PTAR1: variants seen among roughly 807,000 people sequenced by gnomAD.
The protein encoded by PTAR1 is protein prenyltransferase alpha subunit repeat containing 1.
A neutral mutation model predicts 45.5 loss-of-function variants in PTAR1; 17 were observed. The observed-to-expected ratio is 0.37, with a 90% CI of 0.26 to 0.56. PTAR1 has a LOEUF of 0.56. PTAR1 is among the 20% of genes least tolerant of loss of function. PTAR1 has a pLI of 0.77. For missense variants in PTAR1, 391 were observed against 476.3 expected, an observed-to-expected ratio of 0.82 and a Z score of 1.67; for synonymous variants, 169 against 171.3, an observed-to-expected ratio of 0.99 and a Z score of 0.11.
chr9:69,721,759 G>T (rs760645839), intron 6 of PTAR1, among the ~76,000 whole-genome samples: 1 of 152,108 alleles, frequency 6.6e-6, no homozygotes, highest in Non-Finnish European at 1.5e-5. Context: ...CTTGCTGAAG[G>T]GTCGGATGAT....
In PTAR1 at chr9:69,718,344, A is replaced by G. The variant is rs200503740; in HGVS notation, c.1207T>C (p.Ter403ArgextTer3). The G allele has an allele frequency of 4.1e-5, 66 of 1,593,812 alleles. No homozygotes were observed. In the African/African-American group the frequency reaches 7.1e-4, roughly 17 times the overall value. The change falls in exon 8 of 8, where the codon TGA (stop) becomes CGA (arginine). Residue 403 changes from the stop codon to arginine, a stop_lost. Transcript: ENST00000340434. Reference sequence around the variant, plus strand: ...CTTGTAGGACTAATTCACCTCTTTCATTGACTCAAAGTAACCAGCCATTTC... The same window carrying G: ...CTTGTAGGACTAATTCACCTCTTTCGTTGACTCAAAGTAACCAGCCATTTC... ...YRKWLVTLSQ[*>R]
At chr9:69,754,939 G>A (rs1826705574) in intron 1 of PTAR1, among the ~76,000 whole-genome samples, 1 of 151,896 alleles carries the variant, frequency 6.6e-6, no homozygotes, top group African/African-American at 2.4e-5. Flanking sequence ...AAAAAACTGA[G>A]CAATTCCCAT....
At chr9:69,740,335 GT>G (rs1825985355) in intron 3 of PTAR1, among the ~76,000 whole-genome samples, 1 of 151,874 alleles carries the variant, frequency 6.6e-6, no homozygotes, top group African/African-American at 2.4e-5. Context: ...TTAGGCCTAG[GT>G]TTTTTTCTCC....
chr9:69,735,368 A>G (rs2134119828), intron 3 of PTAR1, among the ~76,000 whole-genome samples: 1 of 152,314 alleles, frequency 6.6e-6, no homozygotes, highest in Admixed American at 6.5e-5. Flanking sequence ...TAGATTACTT[A>G]TAATACCTAA....
chr9:69,729,449 T>C (rs185851241), intron 5 of PTAR1, among the ~76,000 whole-genome samples: 13 of 152,360 alleles, frequency 8.5e-5, no homozygotes, highest in Admixed American at 2.6e-4. Context: ...TGGATTGTAA[T>C]CTAACAATTC....
At chr9:69,738,561 A>T (rs570519758) in intron 3 of PTAR1, among the ~76,000 whole-genome samples, 2 of 152,226 alleles carry the variant, frequency 1.3e-5, no homozygotes, top group South Asian at 4.1e-4. Context: ...AAATCATTCC[A>T]GCTATGGCCA....
rs376291833 is a variant in PTAR1, at chr9:69,730,602, CCCGGCAGCTATT to C, written c.642+1525_642+1536del. Among the ~76,000 whole-genome samples, 73 of 148,200 alleles carry C rather than the reference CCCGGCAGCTATT, an allele frequency of 4.9e-4. No homozygotes were observed. The East Asian group carries it at 0.014, about 29-fold the overall frequency. On this transcript the variant is annotated intron_variant, in intron 5 of 7. Transcript: ENST00000340434. ...TCCCAACTCAATGTATCTTCCTTCCCCCGGCAGCTATTTCCAACGAGCGCATCCTAGATGAAG... is the reference window on the plus strand; with the variant it reads ...TCCCAACTCAATGTATCTTCCTTCCCTCCAACGAGCGCATCCTAGATGAAG...
Position 69,711,973 on chromosome 9 carries a change from A to T in PTAR1, c.*6369T>A, listed in dbSNP as rs1437839438. The T allele has an allele frequency of 1.3e-5, 2 of 152,138 alleles. No homozygotes were observed. The highest frequency in any genetic ancestry group is 4.8e-5 in the African/African-American group (2 of 41,440). 9.4% of individuals were successfully genotyped at this position (152,138 alleles called of 1,614,324 possible). Reference sequence around the variant, plus strand: ...TTTATTGAGCATCTACTATAACTGTACCCAGTCTTTAACTAATAAGAAAAA... The same window carrying T: ...TTTATTGAGCATCTACTATAACTGTTCCCAGTCTTTAACTAATAAGAAAAA... On this transcript the variant is annotated 3_prime_UTR_variant, in exon 8 of 8. Transcript: ENST00000340434.
chr9:69,747,859 T>C (rs1047230553), intron 2 of PTAR1, among the ~76,000 whole-genome samples: 4 of 152,196 alleles, frequency 2.6e-5, no homozygotes, highest in Non-Finnish European at 5.9e-5. Context: ...TGATGCTGAA[T>C]ATAAACTGGA....
At chr9:69,759,134 C>G (rs1486996301) in intron 1 of PTAR1, among the ~76,000 whole-genome samples, 1 of 152,182 alleles carries the variant, frequency 6.6e-6, no homozygotes, top group African/African-American at 2.4e-5. Context: ...TATGTCAGTT[C>G]TGCAGTGTCC....
At chr9:69,738,866 G>A (rs957981119) in intron 3 of PTAR1, among the ~76,000 whole-genome samples, 2 of 147,720 alleles carry the variant, frequency 1.4e-5, no homozygotes, top group African/African-American at 2.5e-5. Flanking sequence ...GGAGTGCAGT[G>A]GCACGCTCTT....
In PTAR1 at chr9:69,709,842, A is replaced by C. The variant is rs1824455700; in HGVS notation, c.*8500T>G. ...AAGATATACAATTAACATGCAATTTAAGCTATATTATTTTGAAGAAACAGG... is the reference window on the plus strand; with the variant it reads ...AAGATATACAATTAACATGCAATTTCAGCTATATTATTTTGAAGAAACAGG... On this transcript the variant is annotated 3_prime_UTR_variant, in exon 8 of 8. Coordinates refer to ENST00000340434, the MANE Select transcript of PTAR1 (RefSeq NM_001099666.2). 1 of 152,148 alleles carries C rather than the reference A, an allele frequency of 6.6e-6. No individual in the cohort carries two copies. Among genetic ancestry groups the C allele is most frequent in the Non-Finnish European group, 1.5e-5 (1 of 67,996 alleles). The allele number at this position is 152,148 out of a possible 1,614,324, so 9.4% of individuals were successfully genotyped here.
In PTAR1 at chr9:69,717,129, A is replaced by AGG. The variant is rs765458481; in HGVS notation, c.*1212_*1213insCC. 6.6e-6 allele frequency: 1 copy of AGG among 152,194 alleles called. No individual in the cohort carries two copies. The highest frequency in any genetic ancestry group is 1.5e-5 in the Non-Finnish European group (1 of 68,028). 9.4% of individuals were successfully genotyped at this position (152,194 alleles called of 1,614,324 possible). On this transcript the variant is annotated 3_prime_UTR_variant, in exon 8 of 8. Transcript: ENST00000340434. ...CTCATCCCTGATTAAGTTCAGTATC[A>AGG]AAGTGTTTTGTTTTGCACATACTAT...
chr9:69,725,638 T>TA (rs574228646), intron 5 of PTAR1, among the ~76,000 whole-genome samples: 238 of 151,920 alleles, frequency 1.6e-3, no homozygotes, highest in African/African-American at 5.5e-3. Context: ...ATCAATTTCT[T>TA]AAAAAAATTC....
In PTAR1 at chr9:69,759,933, G is replaced by A. The variant is rs1353432431; in HGVS notation, c.6C>T (p.Ala2=). 2 of 1,505,296 alleles carry A rather than the reference G, an allele frequency of 1.3e-6. No homozygotes were observed. Among genetic ancestry groups the A allele is most frequent in the African/African-American group, 1.5e-5 (1 of 68,938 alleles). The allele number at this position is 1,505,296 out of a possible 1,614,324, so 93.2% of individuals were successfully genotyped here. The change falls in exon 1 of 8, where the codon GCC becomes GCT. Residue 2 remains alanine, a synonymous_variant. Coordinates refer to ENST00000340434, the MANE Select transcript of PTAR1 (RefSeq NM_001099666.2). ...GCACCGCCACCTCCTCGCTGGTCTC[G>A]GCCATGTTGGCGGCGGCCGCGACAG... M[A]ETSEEVAVLV...
At position 69,710,862 on chromosome 9, in the gene PTAR1, A is replaced by C. The variant is rs1443802367; in HGVS notation, c.*7480T>G. The C allele has an allele frequency of 1.3e-5, 2 of 152,192 alleles. No individual in the cohort carries two copies. The highest frequency in any genetic ancestry group is 4.8e-5 in the African/African-American group (2 of 41,458). 9.4% of individuals were successfully genotyped at this position (152,192 alleles called of 1,614,324 possible). A position where few individuals can be genotyped will look rare whatever the true frequency, so the allele number is the denominator to read the frequency against. ...TTTCCATTTAAACATAAACTATAAG[A>C]AAATCTTAAAACAATATTGACGGCA... On this transcript the variant is annotated 3_prime_UTR_variant, in exon 8 of 8. Transcript: ENST00000340434.
chr9:69,738,423 A>G (rs962100005), intron 3 of PTAR1, among the ~76,000 whole-genome samples: 1 of 152,176 alleles, frequency 6.6e-6, no homozygotes, highest in Non-Finnish European at 1.5e-5. Flanking sequence ...TACCTTGTAG[A>G]GGGGGATTAT....
At chr9:69,757,422 T>C (rs1184397761) in intron 1 of PTAR1, 1 of 152,218 alleles carries the variant, frequency 6.6e-6, no homozygotes, top group African/African-American at 2.4e-5. Context: ...GAAGGTCTAA[T>C]ATTTATTGAG....
In PTAR1 at chr9:69,759,987, C is replaced by G. The variant is rs755961957; in HGVS notation, c.-49G>C. 2.1e-6 allele frequency: 3 copies of G among 1,402,698 alleles called. No individual in the cohort carries two copies. The South Asian group carries it at 4.4e-5, about 21-fold the overall frequency. The allele number at this position is 1,402,698 out of a possible 1,614,324, so 86.9% of individuals were successfully genotyped here. A position where few individuals can be genotyped will look rare whatever the true frequency, so the allele number is the denominator to read the frequency against. ...GGGCGCGCCTCCGCGTGAGCCGGGCCGCCGGCGGGAGTTCCGCGGAGAACG... is the reference window on the plus strand; with the variant it reads ...GGGCGCGCCTCCGCGTGAGCCGGGCGGCCGGCGGGAGTTCCGCGGAGAACG... On this transcript the variant is annotated 5_prime_UTR_variant, in exon 1 of 8. Coordinates refer to ENST00000340434, the MANE Select transcript of PTAR1 (RefSeq NM_001099666.2).
Sources: gnomAD v4.1 joint callset for allele counts (sites outside exome capture counted in the v4.1 genomes callset) on GRCh38, gnomAD v4.1.1 for gene constraint, MANE v1.5 for transcripts, NCBI Gene and HGNC (gene_info 2026-07-23, HGNC 2026-07-21) for gene names.